Variants in RBFOX1 observed in about 807,000 individuals in gnomAD.
RBFOX1 encodes the protein RNA binding fox-1 homolog 1.
A neutral mutation model predicts 57.7 loss-of-function variants in RBFOX1; 8 were observed. The ratio of observed to expected loss-of-function variants is 0.14; its 90% CI spans 0.08 to 0.25. The LOEUF (loss-of-function observed/expected upper bound fraction) is 0.25. Ranked by LOEUF, RBFOX1 falls within the 10% of genes least tolerant of loss-of-function variation. RBFOX1 has a pLI of 1.00. For synonymous variants in RBFOX1, 326 were observed against 222.4 expected (o/e 1.47, Z -4.15); for missense variants, 611 against 548.5 (o/e 1.11, Z -1.14).
chr16:6,880,787 C>T (rs7186195), intron 3 of RBFOX1, among the ~76,000 whole-genome samples: 37,736 of 150,054 alleles, frequency 0.25, 4,862 homozygotes, highest in African/African-American at 0.32. Flanking sequence ...ATTTTTATTA[C>T]AGTATTTCTT....
chr16:7,203,374 A>G (rs1602976023), intron 4 of RBFOX1, among the ~76,000 whole-genome samples: 1 of 152,314 alleles, frequency 6.6e-6, no homozygotes, highest in East Asian at 1.9e-4. Context: ...TGGCTGGTGG[A>G]GAGGAAGGTA....
At chr16:7,350,344 A>T (rs2097105517) in intron 4 of RBFOX1, among the ~76,000 whole-genome samples, 1 of 152,112 alleles carries the variant, frequency 6.6e-6, no homozygotes, top group South Asian at 2.1e-4. Flanking sequence ...TTGAGAAATG[A>T]CCGGATGGTC....
At chr16:6,036,476 A>G (rs1454165708) in intron 1 of RBFOX1, among the ~76,000 whole-genome samples, 1 of 152,052 alleles carries the variant, frequency 6.6e-6, no homozygotes, top group Non-Finnish European at 1.5e-5. Context: ...AATTTGGTTT[A>G]GTAACTTGAT....
chr16:6,591,515 A>C (rs1567800377), intron 2 of RBFOX1, among the ~76,000 whole-genome samples: 1 of 152,204 alleles, frequency 6.6e-6, no homozygotes, highest in African/African-American at 2.4e-5. Flanking sequence ...CTTTCTAAAA[A>C]GAACAGCAGG....
At chr16:6,336,208 T>A (rs1379082345) in intron 2 of RBFOX1, among the ~76,000 whole-genome samples, 1 of 97,518 alleles carries the variant, frequency 1.0e-5, no homozygotes, top group African/African-American at 4.7e-5. Flanking sequence ...TTTTTTTTTT[T>A]TTTTTTTTGA....
At chr16:7,318,185 G>T (rs780221439) in intron 4 of RBFOX1, among the ~76,000 whole-genome samples, 1 of 152,020 alleles carries the variant, frequency 6.6e-6, no homozygotes, top group Non-Finnish European at 1.5e-5. Flanking sequence ...TGGTGATGGT[G>T]ATAGTGATGG....
intron 1 of RBFOX1, among the ~76,000 whole-genome samples, chr16:5,428,146 GTA>G (rs923728240): frequency 4.1e-5 from 6 of 147,546 alleles, no homozygotes; most frequent in African/African-American, 1.5e-4. Flanking sequence ...GTGTGTGTGT[GTA>G]TGTGTGTATG....
At chr16:5,711,704 C>T (rs557796952) in intron 3 of RBFOX1, among the ~76,000 whole-genome samples, 23 of 152,218 alleles carry the variant, frequency 1.5e-4, no homozygotes, top group African/African-American at 5.3e-4. Context: ...GGTCTTTACT[C>T]TCAGGAAAAT....
chr16:6,243,901 T>C (rs1347809002), intron 1 of RBFOX1, among the ~76,000 whole-genome samples: 1 of 152,194 alleles, frequency 6.6e-6, no homozygotes, highest in Non-Finnish European at 1.5e-5. Flanking sequence ...GAGGCCATTG[T>C]ATCAACACTC....
At chr16:6,857,607 A>G (rs897063029) in intron 3 of RBFOX1, among the ~76,000 whole-genome samples, 1 of 152,152 alleles carries the variant, frequency 6.6e-6, no homozygotes, top group African/African-American at 2.4e-5. Context: ...TGCCAAGAAC[A>G]TTATGTTTTA....
Position 6,895,418 on chromosome 16 carries a change from A to ATGTGTGTG in RBFOX1, c.-15-156615_-15-156608dup, listed in dbSNP as rs139075559. 2.0e-3 allele frequency among the ~76,000 whole-genome samples: 177 copies of ATGTGTGTG among 86,866 alleles called. 4 individuals are homozygous for ATGTGTGTG. The highest frequency in any genetic ancestry group is 7.2e-3 in the African/African-American group (162 of 22,348). The allele number at this position is 86,866 out of a possible 152,430, so 57.0% of individuals were successfully genotyped here. ...CTCAGCCACTAGTTGTTAGTAATATATGTGTGTGTGTGTGTGTGTGTGTGT... is the reference window on the plus strand; with the variant it reads ...CTCAGCCACTAGTTGTTAGTAATATATGTGTGTGTGTGTGTGTGTGTGTGTGTGTGTGT... On this transcript the variant is annotated intron_variant, in intron 3 of 15. Coordinates refer to ENST00000550418, the MANE Select transcript of RBFOX1 (RefSeq NM_018723.4).
intron 4 of RBFOX1, among the ~76,000 whole-genome samples, chr16:7,266,261 C>T (rs1603461019): frequency 1.3e-5 from 2 of 152,046 alleles, no homozygotes; most frequent in East Asian, 3.9e-4. Flanking sequence ...AGGTGTGAGC[C>T]ACCGTGCCCG....
chr16:7,348,921 G>A (rs2145816500), intron 4 of RBFOX1, among the ~76,000 whole-genome samples: 1 of 152,236 alleles, frequency 6.6e-6, no homozygotes, highest in East Asian at 1.9e-4. Context: ...CAGCCTGGGT[G>A]ACACAGCGAG....
At chr16:6,855,859 C>CCTCCCTTCG (rs2057785303) in intron 3 of RBFOX1, among the ~76,000 whole-genome samples, 2 of 49,832 alleles carry the variant, frequency 4.0e-5, no homozygotes, top group Non-Finnish European at 7.2e-5. Context: ...CCCTCCCTTC[C>CCTCCCTTCG]TTTCTTCCCT....
chr16:6,965,315 TTG>T (rs57603257), intron 3 of RBFOX1, among the ~76,000 whole-genome samples: 19,319 of 146,348 alleles, frequency 0.13, 1,282 homozygotes, highest in Admixed American at 0.21. Flanking sequence ...TTTTCTTTTG[TTG>T]TGTGTGTGTG....
chr16:7,333,251 T>C (rs2096725101), intron 4 of RBFOX1, among the ~76,000 whole-genome samples: 1 of 152,236 alleles, frequency 6.6e-6, no homozygotes, highest in African/African-American at 2.4e-5. Flanking sequence ...CACCCTAATC[T>C]AGCTATCGAC....
intron 3 of RBFOX1, among the ~76,000 whole-genome samples, chr16:5,651,517 C>T (rs762145003): frequency 1.3e-5 from 2 of 152,090 alleles, no homozygotes; most frequent in Non-Finnish European, 2.9e-5. Context: ...CCTTTGGGAC[C>T]TGGATCAGGT....
At chr16:7,630,135 C>T (rs1041552744) in intron 10 of RBFOX1, among the ~76,000 whole-genome samples, 2 of 151,880 alleles carry the variant, frequency 1.3e-5, no homozygotes, top group East Asian at 3.9e-4. Context: ...CGTCTCCAGT[C>T]ATATGATGCA....
chr16:6,420,343 A>AT (rs56100992), intron 2 of RBFOX1, among the ~76,000 whole-genome samples: 65,286 of 151,752 alleles, frequency 0.43, 14,941 homozygotes, highest in Non-Finnish European at 0.5. Context: ...GTGTGGGGAG[A>AT]TTTTTTTTCC....
Sources: allele counts gnomAD v4.1 joint callset (sites outside exome capture counted in the v4.1 genomes callset), GRCh38; gene constraint gnomAD v4.1.1; transcripts MANE v1.5; gene names NCBI Gene and HGNC (gene_info 2026-07-23, HGNC 2026-07-21).